Variants in TRIM24 observed in about 807,000 individuals in gnomAD.
TRIM24 encodes transcription intermediary factor 1-alpha.
A neutral mutation model predicts 123.9 loss-of-function variants in TRIM24; 29 were observed. The observed-to-expected ratio is 0.23, with a 90% CI of 0.17 to 0.32. The LOEUF (loss-of-function observed/expected upper bound fraction) is 0.32. Among genes scored for constraint, TRIM24 ranks in the 10% least tolerant of loss-of-function variants. The pLI is 1.00. For missense variants in TRIM24, 932 were observed against 1,295.3 expected (o/e 0.72, Z 4.31); for synonymous variants, 456 against 461.1 (o/e 0.99, Z 0.14).
intron 2 of TRIM24, chr7:138,514,475 C>G (rs1321458203): frequency 6.6e-6 from 1 of 152,218 alleles, no homozygotes; most frequent in Non-Finnish European, 1.5e-5. Flanking sequence ...TCCCCTGAAT[C>G]GCACCACTTC....
intron 1 of TRIM24, among the ~76,000 whole-genome samples, chr7:138,468,915 T>G (rs939121247): frequency 6.6e-6 from 1 of 152,240 alleles, no homozygotes; most frequent in Non-Finnish European, 1.5e-5. Context: ...ATGTTCTGCA[T>G]TGGCTGTAGC....
chr7:138,585,119 C>T lies in TRIM24; in HGVS notation c.*168C>T. On this transcript the variant is annotated 3_prime_UTR_variant, in exon 19 of 19. Coordinates refer to ENST00000343526, the MANE Select transcript of TRIM24 (RefSeq NM_015905.3). ...CTTAATAGCCCATTTCTGTTAACCT[C>T]TTATCACTAAGAAAGAAAGGAAAGA... The T allele has an allele frequency of 2.2e-6, 1 of 452,372 alleles. No individual in the cohort carries two copies. Among genetic ancestry groups the T allele is most frequent in the Non-Finnish European group, 3.8e-6 (1 of 262,994 alleles). The allele number at this position is 452,372 out of a possible 1,614,324, so 28.0% of individuals were successfully genotyped here.
At chr7:138,573,716 T>C in intron 12 of TRIM24, 74 bp downstream of exon 12, 1 of 1,492,302 alleles carries the variant, frequency 6.7e-7, no homozygotes, top group Non-Finnish European at 9.0e-7. Context: ...AAATTACCCC[T>C]CTTCTCCTTT....
chr7:138,461,506 A>G (rs558684857), intron 1 of TRIM24, among the ~76,000 whole-genome samples: 15 of 152,328 alleles, frequency 9.8e-5, no homozygotes, highest in African/African-American at 3.1e-4. Context: ...GGGACAAAGG[A>G]ACCAAGAGAC....
At position 138,490,583 on chromosome 7, in the gene TRIM24, A is replaced by T. The variant is rs1397167668; in HGVS notation, c.365-13707A>T. Reference sequence around the variant, plus strand: ...TTTATTTGCCACAATTAGAAAACAGATTATTGGACTGTGGTTCATATCCAA... The same window carrying T: ...TTTATTTGCCACAATTAGAAAACAGTTTATTGGACTGTGGTTCATATCCAA... On this transcript the variant is annotated intron_variant, in intron 1 of 18. Coordinates refer to ENST00000343526, the MANE Select transcript of TRIM24 (RefSeq NM_015905.3). The T allele has an allele frequency of 1.8e-5, 4 of 226,638 alleles. No homozygotes were observed. In the East Asian group the frequency reaches 5.7e-4, roughly 32 times the overall value. 14.0% of individuals were successfully genotyped at this position (226,638 alleles called of 1,614,324 possible). A position where few individuals can be genotyped will look rare whatever the true frequency, so the allele number is the denominator to read the frequency against.
chr7:138,577,286 G>GAA (rs1797779814), intron 13 of TRIM24, 134 bp from the exon 14 acceptor site: 1 of 584,868 alleles, frequency 1.7e-6, no homozygotes, highest in African/African-American at 1.9e-5. Context: ...CATTTGTTAT[G>GAA]CATCATTAAT....
rs1474323465 is a variant in TRIM24 at position 138,516,652 on chromosome 7, GC to G, written c.631+1295del. On this transcript the variant is annotated intron_variant, in intron 3 of 18. Coordinates refer to ENST00000343526, the MANE Select transcript of TRIM24 (RefSeq NM_015905.3). The stretch of plus-strand genomic sequence containing the variant: ...TTACAAGCGTGAACCACTGCACCCA[GC>G]CTTTATTTTCTGTCTCTATAAATTT... 5.3e-5 allele frequency among the ~76,000 whole-genome samples: 8 copies of G among 151,920 alleles called. No homozygotes were observed. The South Asian group carries it at 8.3e-4, about 16-fold the overall frequency.
intron 5 of TRIM24, among the ~76,000 whole-genome samples, chr7:138,525,957 A>C (rs948224521): frequency 4.6e-5 from 7 of 152,338 alleles, no homozygotes; most frequent in African/African-American, 1.7e-4. Flanking sequence ...ACTAACCTCC[A>C]TGGAGCGGGG....
At chr7:138,537,202 G>A (rs1032874393) in intron 6 of TRIM24, among the ~76,000 whole-genome samples, 6 of 151,818 alleles carry the variant, frequency 4.0e-5, no homozygotes, top group African/African-American at 1.5e-4. Flanking sequence ...GCTCACACTC[G>A]GTGCACTGTA....
At chr7:138,566,045 A>G (rs1300537758) in intron 9 of TRIM24, among the ~76,000 whole-genome samples, 4 of 152,180 alleles carry the variant, frequency 2.6e-5, no homozygotes, top group African/African-American at 9.6e-5. Flanking sequence ...CTGGCTTTCC[A>G]GATAGTTTTA....
intron 1 of TRIM24, among the ~76,000 whole-genome samples, chr7:138,477,268 G>A (rs940273714): frequency 1.3e-5 from 2 of 151,972 alleles, no homozygotes; most frequent in Non-Finnish European, 1.5e-5. Context: ...TGCAGTGAGC[G>A]GAGATCAGGC....
rs1479204824 is a variant in TRIM24, at chr7:138,583,887, A to C, written c.2831A>C (p.Asp944Ala). 6.3e-7 allele frequency: 1 copy of C among 1,594,584 alleles called. No homozygotes were observed. The highest frequency in any genetic ancestry group is 8.5e-7 in the Non-Finnish European group (1 of 1,171,358). The change falls in exon 18 of 19, where the codon GAT (aspartate) becomes GCT (alanine). Residue 944 changes from aspartate to alanine, a missense_variant. Transcript: ENST00000343526. ...TACAAAATAATTAAAAATCCAATGG[A>C]TTTGTCAACCATCAAGAAAAGACTA... is the stretch of plus-strand genomic sequence containing the variant. ...DYYKIIKNPM[D>A]LSTIKKRLQE...
intron 7 of TRIM24, among the ~76,000 whole-genome samples, chr7:138,549,861 A>C (rs912003732): frequency 6.6e-6 from 1 of 152,176 alleles, no homozygotes; most frequent in African/African-American, 2.4e-5. Context: ...TTACTGCACA[A>C]GTGGAAGGCT....
rs1385982866 is a variant in TRIM24, at chr7:138,576,244, CTACT to C, written c.2015-124_2015-121del. The C allele has an allele frequency of 6.8e-6, 6 of 877,808 alleles. No homozygotes were observed. In the African/African-American group the frequency reaches 9.9e-5, roughly 15 times the overall value. 54.4% of individuals were successfully genotyped at this position (877,808 alleles called of 1,614,324 possible). On this transcript the variant is annotated intron_variant, in intron 12 of 18. Coordinates refer to ENST00000343526, the MANE Select transcript of TRIM24 (RefSeq NM_015905.3). ...TAACAGACTGCTGAAAATTCAGCAA[CTACT>C]TACTGTTTCATAGAATTTCATCATG...
intron 9 of TRIM24, among the ~76,000 whole-genome samples, chr7:138,562,977 T>A (rs896014094): frequency 6.6e-6 from 1 of 152,216 alleles, no homozygotes; most frequent in Non-Finnish European, 1.5e-5. Context: ...GGACCTCTTG[T>A]CCTCCTATAA....
At chr7:138,567,423 T>C in intron 9 of TRIM24, 58 bp from the exon 10 acceptor site, 1 of 1,488,558 alleles carries the variant, frequency 6.7e-7, no homozygotes, top group Non-Finnish European at 9.1e-7. Context: ...GATAGAGATT[T>C]ATAATTTGTT....
At chr7:138,560,891 A>G (rs1020581021) in intron 9 of TRIM24, among the ~76,000 whole-genome samples, 3 of 152,100 alleles carry the variant, frequency 2.0e-5, no homozygotes, top group Non-Finnish European at 4.4e-5. Context: ...TTTTGCCTCC[A>G]TGTCTGCTTT....
chr7:138,502,712 T>A (rs912968866), intron 1 of TRIM24, among the ~76,000 whole-genome samples: 9 of 152,200 alleles, frequency 5.9e-5, no homozygotes, highest in Admixed American at 5.2e-4. Context: ...GTTTACTCCA[T>A]CTTCTCTGAA....
chr7:138,498,286 G>A (rs1795959411), intron 1 of TRIM24, among the ~76,000 whole-genome samples: 1 of 152,130 alleles, frequency 6.6e-6, no homozygotes, highest in Non-Finnish European at 1.5e-5. Flanking sequence ...GTGCAGTGGT[G>A]CAATCTTGGC....
Sources: allele counts gnomAD v4.1 joint callset (sites outside exome capture counted in the v4.1 genomes callset), GRCh38; gene constraint gnomAD v4.1.1; transcripts MANE v1.5; gene names NCBI Gene and HGNC (gene_info 2026-07-23, HGNC 2026-07-21).